The following DLG2 variants were observed in gnomAD, a reference collection of about 807,000 sequenced individuals.
The protein encoded by DLG2 is discs large MAGUK scaffold protein 2, also known as disks large homolog 2.
A neutral mutation model predicts 132.5 loss-of-function variants in DLG2; 45 were observed. The observed-to-expected ratio is 0.34, with a 90% confidence interval of 0.27 to 0.44. DLG2 has a LOEUF of 0.44. Among genes scored for constraint, DLG2 ranks in the 20% least tolerant of loss-of-function variants. The probability of loss-of-function intolerance (pLI) is 1.00; values close to 1 mark genes in which losing one functional copy is unlikely to be tolerated. For synonymous variants in DLG2, 424 were observed against 419.6 expected, an observed-to-expected ratio of 1.01 and a Z score of -0.13; for missense variants, 1,045 against 1,196.9, an observed-to-expected ratio of 0.87 and a Z score of 1.87.
chr11:84,521,395 T>C (rs1484423562), intron 7 of DLG2, among the ~76,000 whole-genome samples: 1 of 152,230 alleles, frequency 6.6e-6, no homozygotes, highest in Admixed American at 6.5e-5. Context: ...CCCGGATTCC[T>C]GTCTCAGCTA....
intron 6 of DLG2, among the ~76,000 whole-genome samples, chr11:84,835,950 C>G (rs950742261): frequency 6.6e-6 from 1 of 151,604 alleles, no homozygotes; most frequent in Non-Finnish European, 1.5e-5. Flanking sequence ...TGCAAATCAT[C>G]TTTTTTACTA....
intron 18 of DLG2, among the ~76,000 whole-genome samples, chr11:83,775,383 T>G (rs1594140402): frequency 6.6e-6 from 1 of 152,340 alleles, no homozygotes; most frequent in African/African-American, 2.4e-5. Flanking sequence ...GACTGAAACT[T>G]TGTTTTACTC....
chr11:84,333,421 G>A (rs529328752), intron 7 of DLG2, among the ~76,000 whole-genome samples: 62 of 152,306 alleles, frequency 4.1e-4, no homozygotes, highest in African/African-American at 1.5e-3. Flanking sequence ...TCAATCCACA[G>A]TTTCTTTTTT....
At chr11:83,544,691 C>T (rs569647483) in intron 19 of DLG2, among the ~76,000 whole-genome samples, 8 of 152,164 alleles carry the variant, frequency 5.3e-5, no homozygotes, top group African/African-American at 1.4e-4. Flanking sequence ...TCATAGTCAT[C>T]GTCTTATTTG....
At chr11:84,247,559 T>G (rs2097318170) in intron 8 of DLG2, among the ~76,000 whole-genome samples, 1 of 152,114 alleles carries the variant, frequency 6.6e-6, no homozygotes, top group African/African-American at 2.4e-5. Flanking sequence ...TATGTCACAT[T>G]TAAGGTCATA....
chr11:84,279,400 C>T (rs549390476), intron 7 of DLG2, among the ~76,000 whole-genome samples: 6 of 152,192 alleles, frequency 3.9e-5, no homozygotes, highest in African/African-American at 1.2e-4. Flanking sequence ...GATAGTGTGG[C>T]GATTCCTCAA....
chr11:85,367,182 T>C (rs1364528441), intron 3 of DLG2, among the ~76,000 whole-genome samples: 2 of 152,154 alleles, frequency 1.3e-5, no homozygotes, highest in African/African-American at 4.8e-5. Context: ...TTTAATAACA[T>C]AGTTTTTTGT....
At chr11:84,994,984 T>A (rs1334891498) in intron 6 of DLG2, among the ~76,000 whole-genome samples, 1 of 152,106 alleles carries the variant, frequency 6.6e-6, no homozygotes, top group African/African-American at 2.4e-5. Context: ...ATCTGGAGAC[T>A]TCTGAATGCA....
intron 12 of DLG2, among the ~76,000 whole-genome samples, chr11:83,970,925 AAAAAGTGCTC>A (rs2091219257): frequency 6.6e-6 from 1 of 152,170 alleles, no homozygotes; most frequent in South Asian, 2.1e-4. Flanking sequence ...GATTTGGACC[AAAAAGTGCTC>A]TTTTGTGCTG....
intron 6 of DLG2, among the ~76,000 whole-genome samples, chr11:84,628,107 C>CAT (rs35268909): frequency 0.12 from 18,236 of 149,822 alleles, 1,086 homozygotes; most frequent in South Asian, 0.19. Context: ...TATATACACA[C>CAT]ATATATATAT....
intron 6 of DLG2, among the ~76,000 whole-genome samples, chr11:84,840,319 T>A (rs974433201): frequency 6.6e-6 from 1 of 152,074 alleles, no homozygotes; most frequent in African/African-American, 2.4e-5. Flanking sequence ...AGAATGGCAA[T>A]CATTAAAAAG....
chr11:84,110,722 G>A (rs1270634194), intron 9 of DLG2, among the ~76,000 whole-genome samples: 1 of 152,138 alleles, frequency 6.6e-6, no homozygotes, highest in African/African-American at 2.4e-5. Context: ...GGAGCCATTG[G>A]GGCAAACTCA....
intron 3 of DLG2, among the ~76,000 whole-genome samples, chr11:85,493,882 AT>A (rs1442854786): frequency 6.6e-6 from 1 of 151,970 alleles, no homozygotes; most frequent in Non-Finnish European, 1.5e-5. Flanking sequence ...AGAAAAAGAA[AT>A]TTATTTCTCA....
chr11:83,596,877 T>C (rs1469641418), intron 19 of DLG2, among the ~76,000 whole-genome samples: 1 of 152,226 alleles, frequency 6.6e-6, no homozygotes, highest in African/African-American at 2.4e-5. Flanking sequence ...TGAAAATACA[T>C]TCTGAGAATC....
At chr11:84,637,240 C>T (rs1292274412) in intron 6 of DLG2, among the ~76,000 whole-genome samples, 1 of 152,108 alleles carries the variant, frequency 6.6e-6, no homozygotes, top group East Asian at 1.9e-4. Context: ...AAAGAGTTTC[C>T]CTTACAAAGA....
chr11:85,152,075 C>A (rs1018579816), intron 5 of DLG2, among the ~76,000 whole-genome samples: 1 of 151,986 alleles, frequency 6.6e-6, no homozygotes, highest in Non-Finnish European at 1.5e-5. Flanking sequence ...AGCTGAGCTA[C>A]AAAATTCTTG....
At chr11:85,460,409 T>C (rs1298285995) in intron 3 of DLG2, among the ~76,000 whole-genome samples, 2 of 152,186 alleles carry the variant, frequency 1.3e-5, no homozygotes, top group African/African-American at 2.4e-5. Context: ...CAAAGGTCCA[T>C]GGCAGAACTG....
intron 17 of DLG2, chr11:83,791,101 G>A: frequency 1.5e-6 from 1 of 675,782 alleles, no homozygotes; most frequent in Non-Finnish European, 2.6e-6. Flanking sequence ...CTGGAAGAGT[G>A]GCCTTGACTC....
chr11:83,459,748 A>G lies in DLG2; in HGVS notation c.*70T>C, dbSNP rs923785787. The G allele has an allele frequency of 9.8e-6, 8 of 816,208 alleles. No individual in the cohort carries two copies. In the Admixed American group the frequency reaches 1.6e-4, roughly 17 times the overall value. 50.6% of individuals were successfully genotyped at this position (816,208 alleles called of 1,614,324 possible). On this transcript the variant is annotated 3_prime_UTR_variant, in exon 28 of 28. Coordinates refer to ENST00000376104, the MANE Select transcript of DLG2 (RefSeq NM_001142699.3). ...ATGCAACAAAAACATAAAAGCCTCC[A>G]AGTAGTATGTTATATATATTTTGTT...
Sources: allele counts gnomAD v4.1 joint callset (sites outside exome capture counted in the v4.1 genomes callset), GRCh38; gene constraint gnomAD v4.1.1; transcripts MANE v1.5; gene names NCBI Gene and HGNC (gene_info 2026-07-23, HGNC 2026-07-21).